The following CSMD1 variants were observed in gnomAD, a reference collection of about 807,000 sequenced individuals.
CSMD1 encodes the protein CUB and sushi domain-containing protein 1.
A neutral mutation model predicts 417.5 loss-of-function variants in CSMD1; 213 were observed. The observed-to-expected ratio is 0.51, with a 90% CI of 0.46 to 0.57. The LOEUF (loss-of-function observed/expected upper bound fraction) is 0.57. Among genes scored for constraint, CSMD1 ranks in the 20% least tolerant of loss-of-function variants. CSMD1 has a pLI of 0.00. For missense variants in CSMD1, 6,923 were observed against 4,529.7 expected (o/e 1.53, Z -15.17); for synonymous variants, 2,862 against 1,736.8 (o/e 1.65, Z -16.11).
chr8:4,375,672 G>A (rs1362885754), intron 3 of CSMD1, among the ~76,000 whole-genome samples: 2 of 152,130 alleles, frequency 1.3e-5, no homozygotes, highest in African/African-American at 4.8e-5. Flanking sequence ...AGGGAGGAAT[G>A]CCCACAGAGT....
chr8:4,140,384 G>C (rs542343201), intron 3 of CSMD1, among the ~76,000 whole-genome samples: 1 of 150,966 alleles, frequency 6.6e-6, no homozygotes, highest in East Asian at 1.9e-4. Flanking sequence ...TGTAATCCCA[G>C]CTACTTCGGA....
At chr8:4,460,937 A>G (rs1346181623) in intron 2 of CSMD1, among the ~76,000 whole-genome samples, 1 of 152,178 alleles carries the variant, frequency 6.6e-6, no homozygotes, top group Non-Finnish European at 1.5e-5. Context: ...CAATACCCCA[A>G]TATCAAAGCC....
chr8:4,647,039 C>T lies in CSMD1; in HGVS notation c.86-9481G>A, dbSNP rs1292521713. Among the ~76,000 whole-genome samples, 6 of 152,206 alleles carry T rather than the reference C, an allele frequency of 3.9e-5. No homozygotes were observed. In the East Asian group the frequency reaches 7.7e-4, roughly 20 times the overall value. ...TGACACGGCCCTCCTCTAGGCCATCCAAAGTGAGGCCAAGATGGCAGCAAA... is the reference window on the plus strand; with the variant it reads ...TGACACGGCCCTCCTCTAGGCCATCTAAAGTGAGGCCAAGATGGCAGCAAA... On this transcript the variant is annotated intron_variant, in intron 1 of 69. Coordinates refer to ENST00000635120, the MANE Select transcript of CSMD1 (RefSeq NM_033225.6).
In CSMD1 at chr8:4,731,734, C is replaced by CACAGCAGTT. The variant is rs545507272; in HGVS notation, c.86-94185_86-94177dup. Reference sequence around the variant, plus strand: ...TTCACGAGGACCCAGGAACAGCAGCCACAGCAGTTACTCTAGTAGTTTGGG... The same window carrying CACAGCAGTT: ...TTCACGAGGACCCAGGAACAGCAGCCACAGCAGTTACAGCAGTTACTCTAGTAGTTTGGG... On this transcript the variant is annotated intron_variant, in intron 1 of 69. Transcript: ENST00000635120. 2.9e-4 allele frequency among the ~76,000 whole-genome samples: 44 copies of CACAGCAGTT among 152,236 alleles called. 2 individuals carry two copies. In the East Asian group the frequency reaches 3.3e-3, roughly 11 times the overall value.
intron 3 of CSMD1, among the ~76,000 whole-genome samples, chr8:4,063,313 A>G (rs1241738843): frequency 6.6e-6 from 1 of 152,166 alleles, no homozygotes; most frequent in African/African-American, 2.4e-5. Flanking sequence ...TACAATGTAA[A>G]AAATAATTTA....
intron 2 of CSMD1, 37 bp from the exon 3 acceptor site, chr8:4,420,102 G>T: frequency 6.9e-7 from 1 of 1,443,902 alleles, no homozygotes; most frequent in Non-Finnish European, 9.4e-7. Context: ...AGAGTTAAAA[G>T]CATGAATTTG....
intron 3 of CSMD1, among the ~76,000 whole-genome samples, chr8:4,392,609 G>C (rs746668703): frequency 6.6e-6 from 1 of 151,754 alleles, no homozygotes; most frequent in Non-Finnish European, 1.5e-5. Context: ...GAATTGAATA[G>C]GATATGAGAA....
intron 2 of CSMD1, among the ~76,000 whole-genome samples, chr8:4,470,025 G>A (rs1800434077): frequency 6.6e-6 from 1 of 151,830 alleles, no homozygotes; most frequent in Admixed American, 6.6e-5. Flanking sequence ...CCGCTAACAT[G>A]CCCGGCTAAT....
At chr8:3,993,622 G>C (rs966047358) in intron 5 of CSMD1, among the ~76,000 whole-genome samples, 1 of 152,198 alleles carries the variant, frequency 6.6e-6, no homozygotes, top group Non-Finnish European at 1.5e-5. Context: ...CCATACACCA[G>C]ATAGGCAAAA....
chr8:3,819,333 A>C (rs1416172842), intron 5 of CSMD1, among the ~76,000 whole-genome samples: 1 of 152,176 alleles, frequency 6.6e-6, no homozygotes, highest in African/African-American at 2.4e-5. Flanking sequence ...AGTGACAGGT[A>C]GGAGATTCAT....
rs537031220 is a variant in CSMD1, at chr8:4,784,979, T to C, written c.86-147421A>G. Among the ~76,000 whole-genome samples the C allele has an allele frequency of 1.1e-4, 16 of 152,280 alleles. No homozygotes were observed. In the South Asian group the frequency reaches 3.3e-3, roughly 32 times the overall value. Reference sequence around the variant, plus strand: ...GTGGTAAAAAAATGCAATACTAAAATGGAAGTCCTCAAGTTTTAACTGATA... The same window carrying C: ...GTGGTAAAAAAATGCAATACTAAAACGGAAGTCCTCAAGTTTTAACTGATA... On this transcript the variant is annotated intron_variant, in intron 1 of 69. Coordinates refer to ENST00000635120, the MANE Select transcript of CSMD1 (RefSeq NM_033225.6).
chr8:3,860,458 G>T (rs17067779), intron 5 of CSMD1, among the ~76,000 whole-genome samples: 11,159 of 152,074 alleles, frequency 0.073, 471 homozygotes, highest in South Asian at 0.12. Flanking sequence ...TTTGAATGTA[G>T]GAGTTTGCTA....
intron 25 of CSMD1, among the ~76,000 whole-genome samples, chr8:3,293,584 C>T (rs1225734773): frequency 1.3e-5 from 2 of 152,158 alleles, no homozygotes; most frequent in South Asian, 4.1e-4. Context: ...ATTTCATCTT[C>T]CATCACTGAT....
intron 3 of CSMD1, among the ~76,000 whole-genome samples, chr8:4,095,341 C>T (rs189983676): frequency 7.9e-5 from 12 of 152,152 alleles, no homozygotes; most frequent in African/African-American, 2.7e-4. Flanking sequence ...TAGCAGCTTC[C>T]TGCATTGCCT....
intron 2 of CSMD1, among the ~76,000 whole-genome samples, chr8:4,474,925 T>C (rs989003493): frequency 1.3e-5 from 2 of 152,184 alleles, no homozygotes; most frequent in African/African-American, 2.4e-5. Context: ...ACATACAAAA[T>C]GTGTTAATTG....
At chr8:2,980,494 C>G (rs375261299) in intron 54 of CSMD1, among the ~76,000 whole-genome samples, 1 of 152,106 alleles carries the variant, frequency 6.6e-6, no homozygotes, top group East Asian at 1.9e-4. Flanking sequence ...TTCTCTTTCT[C>G]CTCCTCCTTA....
chr8:4,527,693 C>T (rs1438215966), intron 2 of CSMD1, among the ~76,000 whole-genome samples: 1 of 152,244 alleles, frequency 6.6e-6, no homozygotes, highest in Middle Eastern at 3.4e-3. Context: ...TTATACAGTA[C>T]ATTTCTTTCT....
At chr8:4,496,602 A>G (rs1297664311) in intron 2 of CSMD1, among the ~76,000 whole-genome samples, 2 of 151,722 alleles carry the variant, frequency 1.3e-5, no homozygotes, top group Admixed American at 6.6e-5. Context: ...CTCTCTTGTT[A>G]TTGTTATTCC....
chr8:3,198,367 T>G (rs1345109325), intron 33 of CSMD1, among the ~76,000 whole-genome samples: 1 of 152,240 alleles, frequency 6.6e-6, no homozygotes, highest in Non-Finnish European at 1.5e-5. Context: ...TGATTCTGCT[T>G]TTGCAAAGTC....
Sources: gnomAD v4.1 joint callset for allele counts (sites outside exome capture counted in the v4.1 genomes callset) on GRCh38, gnomAD v4.1.1 for gene constraint, MANE v1.5 for transcripts, NCBI Gene and HGNC (gene_info 2026-07-23, HGNC 2026-07-21) for gene names.